ITPKB: variants seen among roughly 807,000 people sequenced by gnomAD.
ITPKB encodes IP3 3-kinase B.
A neutral mutation model predicts 69.4 loss-of-function variants in ITPKB; 13 were observed. That is an observed-to-expected ratio of 0.19 (90% CI 0.12 to 0.30). The LOEUF is 0.30. ITPKB is among the 10% of genes least tolerant of loss of function. The pLI is 1.00. For missense variants in ITPKB, 1,240 were observed against 1,250.5 expected (o/e 0.99, Z 0.13); for synonymous variants, 584 against 513.7 (o/e 1.14, Z -1.85).
intron 2 of ITPKB, among the ~76,000 whole-genome samples, chr1:226,659,346 T>C (rs1669357656): frequency 6.6e-6 from 1 of 152,044 alleles, no homozygotes; most frequent in Non-Finnish European, 1.5e-5. Context: ...CAAGGCTCCC[T>C]GACCACCCAT....
Position 226,736,749 on chromosome 1 carries a change from A to G in ITPKB, c.710T>C (p.Leu237Pro). The change falls in exon 2 of 8, where the codon CTT (leucine) becomes CCT (proline). Residue 237 changes from leucine (L) to proline (P), a missense_variant. Coordinates refer to ENST00000429204, the MANE Select transcript of ITPKB (RefSeq NM_002221.4). The stretch of plus-strand genomic sequence containing the variant: ...TCCTGTAGGGGCAGCCCGGCCGGGA[A>G]GAGGTGGCATTCCTTTCTTCACCTG... ...SSQVKKGMPP[L>P]PGRAAPTGSE... The G allele has an allele frequency of 3.1e-6, 5 of 1,612,846 alleles. No homozygotes were observed. The highest frequency in any genetic ancestry group is 1.3e-5 in the African/African-American group (1 of 75,062).
At chr1:226,705,412 C>T (rs1656776271) in intron 2 of ITPKB, among the ~76,000 whole-genome samples, 1 of 152,070 alleles carries the variant, frequency 6.6e-6, no homozygotes, top group Non-Finnish European at 1.5e-5. Context: ...GCCTGTAAAC[C>T]CAGCTACTCG....
chr1:226,735,434 C>A, intron 2 of ITPKB, 93 bp downstream of exon 2: 1 of 1,347,266 alleles, frequency 7.4e-7, no homozygotes, highest in Non-Finnish European at 9.7e-7. Context: ...GTTTTCATGA[C>A]TGTGTAGAAA....
At chr1:226,702,656 G>GGTT in intron 2 of ITPKB, among the ~76,000 whole-genome samples, 1 of 152,162 alleles carries the variant, frequency 6.6e-6, no homozygotes, top group Non-Finnish European at 1.5e-5. Flanking sequence ...TACAACTACT[G>GGTT]GTATTCTCTT....
chr1:226,660,743 G>A (rs1169798587), intron 2 of ITPKB, among the ~76,000 whole-genome samples: 1 of 152,236 alleles, frequency 6.6e-6, no homozygotes, highest in African/African-American at 2.4e-5. Context: ...AACAATAGGA[G>A]GAAACAGGGA....
At chr1:226,715,859 G>A (rs889529319) in intron 2 of ITPKB, among the ~76,000 whole-genome samples, 4 of 152,326 alleles carry the variant, frequency 2.6e-5, no homozygotes, top group East Asian at 1.9e-4. Flanking sequence ...CGCCCAGACT[G>A]GAGTGCAGTG....
intron 2 of ITPKB, among the ~76,000 whole-genome samples, chr1:226,733,461 G>GT (rs1375620770): frequency 6.6e-6 from 1 of 152,092 alleles, no homozygotes; most frequent in Non-Finnish European, 1.5e-5. Context: ...AGGCTCCAGC[G>GT]TAACAATCTG....
In ITPKB at chr1:226,637,045, G is replaced by A. The variant is rs1463373671; in HGVS notation, c.2625+634C>T. Reference sequence around the variant, plus strand: ...GGGTTTATGAGTGTGATCTGTGAATGTGTGTGGTATAGGATTGATGAGTGT... The same window carrying A: ...GGGTTTATGAGTGTGATCTGTGAATATGTGTGGTATAGGATTGATGAGTGT... On this transcript the variant is annotated intron_variant, in intron 7 of 7. Transcript: ENST00000429204. The surrounding 1 kb of genome is among the most constrained non-coding windows in gnomAD (Gnocchi z 4.3). Among the ~76,000 whole-genome samples the A allele has an allele frequency of 6.6e-6, 1 of 152,054 alleles. No individual in the cohort carries two copies. Among genetic ancestry groups the A allele is most frequent in the Non-Finnish European group, 1.5e-5 (1 of 68,000 alleles).
chr1:226,737,632 C>T lies in ITPKB; in HGVS notation c.-174G>A. The T allele has an allele frequency of 1.8e-6, 2 of 1,118,620 alleles. No homozygotes were observed. The highest frequency in any genetic ancestry group is 2.2e-6 in the Non-Finnish European group (2 of 916,350). The allele number at this position is 1,118,620 out of a possible 1,614,324, so 69.3% of individuals were successfully genotyped here. Reference sequence around the variant, plus strand: ...CTGGGGGCACGACCGCGGGCTCAGCCCCCGCCCAAAGCTCCATAAACAACC... The same window carrying T: ...CTGGGGGCACGACCGCGGGCTCAGCTCCCGCCCAAAGCTCCATAAACAACC... On this transcript the variant is annotated 5_prime_UTR_variant, in exon 2 of 8. Transcript: ENST00000429204.
rs144939188 is a variant in ITPKB at position 226,669,384 on chromosome 1, C to T, written c.1933-20613G>A. Among the ~76,000 whole-genome samples, 743 of 149,806 alleles carry T rather than the reference C, an allele frequency of 5.0e-3. 17 individuals carry two copies. The East Asian group carries it at 0.057, about 11-fold the overall frequency. On this transcript the variant is annotated intron_variant, in intron 2 of 7. Coordinates refer to ENST00000429204, the MANE Select transcript of ITPKB (RefSeq NM_002221.4). ...TGAATTCTAGCCTGGGCAACAAGAG[C>T]GAAACTCTGTCTCAAAAAAAAAAAA...
At chr1:226,703,142 TG>T (rs1656707947) in intron 2 of ITPKB, among the ~76,000 whole-genome samples, 1 of 151,706 alleles carries the variant, frequency 6.6e-6, no homozygotes, top group African/African-American at 2.4e-5. Flanking sequence ...TGAGGAAAAA[TG>T]GGGAATGTCT....
At chr1:226,661,599 C>A (rs1049453327) in intron 2 of ITPKB, among the ~76,000 whole-genome samples, 1 of 152,220 alleles carries the variant, frequency 6.6e-6, no homozygotes, top group Non-Finnish European at 1.5e-5. Context: ...GGCAAGTTAC[C>A]AAACCTCTCT....
In ITPKB at chr1:226,737,023, T is replaced by C. The variant is rs758691510; in HGVS notation, c.436A>G (p.Lys146Glu). Residue 146 changes from lysine to glutamate, a missense_variant, in exon 2 of 8, where the codon AAA becomes GAA. By Grantham distance (56) the Lys-to-Glu change is moderately conservative. This residue lies in a region of ITPKB where 992 missense variants were observed against 853.8 expected (regional missense o/e 1.16). Coordinates refer to ENST00000429204, the MANE Select transcript of ITPKB (RefSeq NM_002221.4). ...ATGTGCGCCTCAAACATGCCCACTT[T>C]CTGGTTCACCTGCACGTTCTGCAAC... ...RELQNVQVNQ[K>E]VGMFEAHIQA... The C allele has an allele frequency of 2.5e-6, 4 of 1,612,566 alleles. No individual in the cohort carries two copies. Among genetic ancestry groups the C allele is most frequent in the Non-Finnish European group, 2.5e-6 (3 of 1,179,940 alleles).
Position 226,634,793 on chromosome 1 carries a change from C to A in ITPKB, c.2719G>T (p.Gly907Cys). Residue 907 changes from glycine to cysteine, a missense_variant, in exon 8 of 8, where the codon GGC becomes TGC. Transcript: ENST00000429204. The surrounding 1 kb of genome is among the most constrained non-coding windows in gnomAD (Gnocchi z 6.3). Reference protein sequence around the residue: ...DFGKTTPLPEGQTLQHDVPWQ... With the variant: ...DFGKTTPLPECQTLQHDVPWQ... ...GGGACGTCATGCTGCAGGGTCTGGCCCTCAGGCAGGGGCGTGGTTTTCCCA... is the reference window on the plus strand; with the variant it reads ...GGGACGTCATGCTGCAGGGTCTGGCACTCAGGCAGGGGCGTGGTTTTCCCA... 6.3e-7 allele frequency: 1 copy of A among 1,598,788 alleles called. No homozygotes were observed. The highest frequency in any genetic ancestry group is 8.6e-7 in the Non-Finnish European group (1 of 1,166,002).
intron 2 of ITPKB, among the ~76,000 whole-genome samples, chr1:226,711,848 G>A (rs771010544): frequency 6.6e-6 from 1 of 152,130 alleles, no homozygotes; most frequent in Non-Finnish European, 1.5e-5. Flanking sequence ...GGAAGATGAG[G>A]GGCTTCCCTG....
At chr1:226,644,416 G>A (rs1243308922) in intron 4 of ITPKB, among the ~76,000 whole-genome samples, 2 of 152,206 alleles carry the variant, frequency 1.3e-5, no homozygotes, top group Non-Finnish European at 2.9e-5. Flanking sequence ...CTTTGAGACA[G>A]GCCAGCCCAG....
Position 226,639,599 on chromosome 1 carries a change from G to A in ITPKB, c.2511C>T (p.Thr837=), listed in dbSNP as rs56308606. The A allele has an allele frequency of 2.5e-3, 4,004 of 1,613,914 alleles. 15 individuals are homozygous for A. The highest frequency in any genetic ancestry group is 2.7e-3 in the Non-Finnish European group (3,136 of 1,179,806). ...FKKTKTREQV[T]EAFREFTKGN... is the part of the protein sequence containing the mutation. ...CTTTAGTGAACTCTCTGAAGGCCTCGGTGACCTGCTCCCTCGTTTTGGTCT... is the reference window on the plus strand; with the variant it reads ...CTTTAGTGAACTCTCTGAAGGCCTCAGTGACCTGCTCCCTCGTTTTGGTCT... The change falls in exon 6 of 8, where the codon ACC becomes ACT. Residue 837 remains threonine (T), a synonymous_variant. Coordinates refer to ENST00000429204, the MANE Select transcript of ITPKB (RefSeq NM_002221.4).
intron 2 of ITPKB, among the ~76,000 whole-genome samples, chr1:226,729,846 C>G (rs1286467230): frequency 6.6e-6 from 1 of 152,130 alleles, no homozygotes; most frequent in African/African-American, 2.4e-5. Context: ...CCATCCACCT[C>G]AGCCTCCCAA....
chr1:226,662,859 A>C (rs1669425614), intron 2 of ITPKB, among the ~76,000 whole-genome samples: 1 of 152,224 alleles, frequency 6.6e-6, no homozygotes, highest in Admixed American at 6.5e-5. Flanking sequence ...AGAAACCCCA[A>C]GCTGCTTTCC....
Sources: gnomAD v4.1 joint callset for allele counts (sites outside exome capture counted in the v4.1 genomes callset) on GRCh38, gnomAD v4.1.1 for gene constraint, gnomAD v4.1.1 regional missense constraint, Gnocchi (gnomAD v3.1) non-coding constraint, MANE v1.5 for transcripts, NCBI Gene and HGNC (gene_info 2026-07-23, HGNC 2026-07-21) for gene names.